The following MAF variants were observed in gnomAD, a reference collection of about 807,000 sequenced individuals.
The protein encoded by MAF is transcription factor Maf.
Under a neutral mutation model 22.0 loss-of-function variants are expected in MAF, and 10 were observed. That is an observed-to-expected ratio of 0.45 (90% CI 0.28 to 0.77). The LOEUF (loss-of-function observed/expected upper bound fraction) is 0.77, where lower values mean the gene tolerates loss of function less well. Among genes scored for constraint, MAF ranks in the 30% least tolerant of loss-of-function variants. The probability of loss-of-function intolerance (pLI) is 0.12; values close to 1 mark genes in which losing one functional copy is unlikely to be tolerated. For missense variants in MAF, 544 were observed against 548.4 expected (o/e 0.99, Z 0.08); for synonymous variants, 337 against 255.8 (o/e 1.32, Z -3.03).
At chr16:79,464,174 A>G in the MAF span, among the ~76,000 whole-genome samples, 1 of 152,190 alleles carries the variant, frequency 6.6e-6, no homozygotes. Context: ...CATTGTGCAG[A>G]ACAAATTTAA....
chr16:79,466,415 G>T, the MAF span, among the ~76,000 whole-genome samples: 1 of 152,224 alleles, frequency 6.6e-6, no homozygotes, highest in Non-Finnish European at 1.5e-5. Context: ...TGGCAGACTG[G>T]TTAGGGCTTT....
the MAF span, among the ~76,000 whole-genome samples, chr16:79,536,738 C>A: frequency 6.6e-6 from 1 of 152,050 alleles, no homozygotes; most frequent in Non-Finnish European, 1.5e-5. Flanking sequence ...GTCATTATTC[C>A]CTAAATAGTA....
At chr16:79,234,128 C>T in the MAF span, among the ~76,000 whole-genome samples, 1 of 152,086 alleles carries the variant, frequency 6.6e-6, no homozygotes, top group African/African-American at 2.4e-5. Context: ...CCTCTTCATT[C>T]TCAAGGTGCC....
chr16:79,495,509 A>C, the MAF span, among the ~76,000 whole-genome samples: 1 of 152,176 alleles, frequency 6.6e-6, no homozygotes, highest in Admixed American at 6.5e-5. Flanking sequence ...AAATTCTGAG[A>C]GTTTTAGAAG....
chr16:79,491,902 C>G, the MAF span, among the ~76,000 whole-genome samples: 59 of 152,288 alleles, frequency 3.9e-4, no homozygotes, highest in African/African-American at 1.3e-3. Context: ...AGTGCAGCCC[C>G]TCTGCCCAGC....
At chr16:79,565,083 T>C in the MAF span, among the ~76,000 whole-genome samples, 1 of 152,254 alleles carries the variant, frequency 6.6e-6, no homozygotes, top group African/African-American at 2.4e-5. Flanking sequence ...GCACCTACCC[T>C]TGGACTTCTT....
chr16:79,246,384 G>A, the MAF span, among the ~76,000 whole-genome samples: 3 of 151,948 alleles, frequency 2.0e-5, no homozygotes, highest in African/African-American at 7.3e-5. Flanking sequence ...ACCCACAAAT[G>A]TTACCAAAGT....
the MAF span, among the ~76,000 whole-genome samples, chr16:79,392,860 A>G: frequency 1.3e-5 from 2 of 152,200 alleles, no homozygotes; most frequent in African/African-American, 2.4e-5. Context: ...TGCCTGTGGG[A>G]ATCCACTGCT....
the MAF span, among the ~76,000 whole-genome samples, chr16:79,361,832 T>C: frequency 6.6e-6 from 1 of 152,158 alleles, no homozygotes; most frequent in Admixed American, 6.5e-5. Flanking sequence ...AGATAAATGC[T>C]TAAAGTCCAG....
downstream of MAF, among the ~76,000 whole-genome samples, chr16:79,585,372 A>G (rs1424933667): frequency 6.6e-6 from 1 of 152,202 alleles, no homozygotes; most frequent in Admixed American, 6.5e-5. Flanking sequence ...TGTGCTTTGA[A>G]ATTACACTAA....
the MAF span, among the ~76,000 whole-genome samples, chr16:79,240,305 T>C: frequency 6.6e-6 from 1 of 151,366 alleles, no homozygotes; most frequent in Non-Finnish European, 1.5e-5. Flanking sequence ...TGTCAAAATG[T>C]GCCCGATTGC....
At chr16:79,564,380 C>T in the MAF span, among the ~76,000 whole-genome samples, 1 of 152,156 alleles carries the variant, frequency 6.6e-6, no homozygotes, top group Non-Finnish European at 1.5e-5. Context: ...AGTGAGGAAT[C>T]AGTTTATAGC....
At chr16:79,370,287 G>C in the MAF span, among the ~76,000 whole-genome samples, 1 of 152,158 alleles carries the variant, frequency 6.6e-6, no homozygotes, top group Admixed American at 6.5e-5. Context: ...GTTATCTCCT[G>C]TTAGTTACAG....
chr16:79,345,441 A>G, the MAF span, among the ~76,000 whole-genome samples: 4 of 152,338 alleles, frequency 2.6e-5, no homozygotes, highest in African/African-American at 9.6e-5. Context: ...CATCATTAAA[A>G]TATTTTTTTG....
the MAF span, among the ~76,000 whole-genome samples, chr16:79,211,351 T>C: frequency 6.6e-6 from 1 of 152,200 alleles, no homozygotes; most frequent in Non-Finnish European, 1.5e-5. Context: ...GTATTTATTT[T>C]CCAAGCCTGT....
At chr16:79,543,618 G>A in the MAF span, among the ~76,000 whole-genome samples, 1 of 151,954 alleles carries the variant, frequency 6.6e-6, no homozygotes, top group Non-Finnish European at 1.5e-5. Context: ...CCTCAACGGT[G>A]GCCAAGGGTC....
the MAF span, among the ~76,000 whole-genome samples, chr16:79,477,818 G>C: frequency 1.8e-4 from 27 of 151,984 alleles, no homozygotes; most frequent in Admixed American, 1.8e-3. Flanking sequence ...TCCGCCTCCT[G>C]GGCTCAAGAA....
At chr16:79,432,790 C>T in the MAF span, among the ~76,000 whole-genome samples, 473 of 152,090 alleles carry the variant, frequency 3.1e-3, 1 homozygote, top group Middle Eastern at 0.014. Flanking sequence ...GGAGATCAGG[C>T]GATGCATGTA....
chr16:79,449,776 T>A, the MAF span, among the ~76,000 whole-genome samples: 1 of 152,168 alleles, frequency 6.6e-6, no homozygotes, highest in South Asian at 2.1e-4. Context: ...CTTCTGGCAC[T>A]AATAAGCTAT....
Sources: gnomAD v4.1 joint callset for allele counts (sites outside exome capture counted in the v4.1 genomes callset) on GRCh38, gnomAD v4.1.1 for gene constraint, MANE v1.5 for transcripts, NCBI Gene and HGNC (gene_info 2026-07-23, HGNC 2026-07-21) for gene names.